PRKCI: variants seen among roughly 807,000 people sequenced by gnomAD.
PRKCI encodes protein kinase C iota, also known as protein kinase C iota type.
PRKCI carries 43 observed loss-of-function variants against 84.0 expected under a neutral mutation model. The observed-to-expected ratio is 0.51, with a 90% CI of 0.40 to 0.66. The LOEUF (loss-of-function observed/expected upper bound fraction) is 0.66, where lower values mean the gene tolerates loss of function less well. Among genes scored for constraint, PRKCI ranks in the 30% least tolerant of loss-of-function variants. The pLI is 0.00. For synonymous variants in PRKCI, 216 were observed against 234.4 expected (o/e 0.92, Z 0.72); for missense variants, 459 against 745.6 (o/e 0.62, Z 4.48).
intron 14 of PRKCI, among the ~76,000 whole-genome samples, chr3:170,294,019 T>G (rs1734635124): frequency 6.6e-6 from 1 of 152,188 alleles, no homozygotes; most frequent in South Asian, 2.1e-4. Flanking sequence ...AATACATTCT[T>G]TCTTTTCTAT....
rs147427192 is a variant in PRKCI, at chr3:170,223,306, G to A, written c.101+536G>A. Among the ~76,000 whole-genome samples the A allele has an allele frequency of 8.5e-5, 13 of 152,262 alleles. 1 individual carries two copies. The highest frequency in any genetic ancestry group is 1.4e-4 in the African/African-American group (6 of 41,560). On this transcript the variant is annotated intron_variant, in intron 1 of 17. Transcript: ENST00000295797. ...CACTGCCAGTATATTAGACATAGGG[G>A]TTGTATTTAAGAATCAAGTCGATGC...
At chr3:170,260,346 C>A (rs1381593155) in intron 3 of PRKCI, among the ~76,000 whole-genome samples, 2 of 152,040 alleles carry the variant, frequency 1.3e-5, no homozygotes, top group East Asian at 3.8e-4. Context: ...AAATTGAGAG[C>A]CTGGGGAATC....
At chr3:170,257,159 AAAC>A (rs1733603614) in intron 2 of PRKCI, among the ~76,000 whole-genome samples, 1 of 152,352 alleles carries the variant, frequency 6.6e-6, no homozygotes, top group African/African-American at 2.4e-5. Context: ...ATATAGGGGA[AAAC>A]AACATTTTGA....
intron 11 of PRKCI, among the ~76,000 whole-genome samples, chr3:170,282,698 A>C (rs1345624588): frequency 6.8e-6 from 1 of 146,280 alleles, no homozygotes; most frequent in East Asian, 2.0e-4. Flanking sequence ...CTCTGTCTCA[A>C]AAAAAAAAAA....
chr3:170,255,398 A>AT (rs1187650821), intron 2 of PRKCI, among the ~76,000 whole-genome samples: 2 of 152,036 alleles, frequency 1.3e-5, no homozygotes, highest in East Asian at 1.9e-4. Context: ...ATTCATAGGT[A>AT]TTTTTTTATT....
At chr3:170,289,039 T>C (rs1211903131) in intron 12 of PRKCI, among the ~76,000 whole-genome samples, 3 of 152,218 alleles carry the variant, frequency 2.0e-5, no homozygotes, top group Non-Finnish European at 4.4e-5. Context: ...AGTGTTTTTT[T>C]CATCAACAGA....
intron 3 of PRKCI, among the ~76,000 whole-genome samples, chr3:170,260,934 TC>T (rs1229787481): frequency 6.6e-6 from 1 of 152,096 alleles, no homozygotes; most frequent in African/African-American, 2.4e-5. Flanking sequence ...ATGCTAACCA[TC>T]AAAAGTCATG....
intron 7 of PRKCI, among the ~76,000 whole-genome samples, chr3:170,274,181 G>GAA (rs1213900248): frequency 1.3e-5 from 2 of 152,080 alleles, no homozygotes; most frequent in African/African-American, 4.8e-5. Context: ...GCCCAAGCTG[G>GAA]AATGCAGTGG....
intron 12 of PRKCI, among the ~76,000 whole-genome samples, chr3:170,287,334 T>TAGAG (rs1403858677): frequency 3.0e-4 from 45 of 149,832 alleles, no homozygotes; most frequent in Non-Finnish European, 4.9e-4. Context: ...AATATATATA[T>TAGAG]ATATAGAGAG....
At chr3:170,230,946 T>C (rs1296281233) in intron 1 of PRKCI, among the ~76,000 whole-genome samples, 1 of 151,368 alleles carries the variant, frequency 6.6e-6, no homozygotes, top group East Asian at 2.0e-4. Context: ...TGATTCATTA[T>C]TTAATTTTTT....
At chr3:170,299,746 C>G (rs1049703564) in intron 17 of PRKCI, among the ~76,000 whole-genome samples, 1 of 152,220 alleles carries the variant, frequency 6.6e-6, no homozygotes, top group African/African-American at 2.4e-5. Context: ...GTGGCAGAGT[C>G]AGGATTCAAA....
At chr3:170,281,285 A>G in intron 10 of PRKCI, 22 bp downstream of exon 10, 1 of 1,590,262 alleles carries the variant, frequency 6.3e-7, no homozygotes, top group African/African-American at 1.3e-5. Context: ...AGATAGTAGA[A>G]TGATTACTGG....
chr3:170,259,201 A>G (rs1286279522), intron 2 of PRKCI, among the ~76,000 whole-genome samples: 1 of 152,142 alleles, frequency 6.6e-6, no homozygotes, highest in Non-Finnish European at 1.5e-5. Context: ...TATTTGGGAT[A>G]TATACAATGT....
intron 2 of PRKCI, among the ~76,000 whole-genome samples, chr3:170,237,249 C>A (rs74474749): frequency 0.02 from 3,101 of 152,298 alleles, 49 homozygotes; most frequent in East Asian, 0.084. Context: ...GTTTAACAGG[C>A]TCCACGGGTG....
intron 2 of PRKCI, among the ~76,000 whole-genome samples, chr3:170,256,555 G>C (rs193037889): frequency 6.6e-6 from 1 of 151,964 alleles, no homozygotes; most frequent in East Asian, 1.9e-4. Flanking sequence ...TTTGGGTCTT[G>C]TATCTTTTAT....
intron 8 of PRKCI, 30 bp downstream of exon 8, chr3:170,275,317 A>G: frequency 6.4e-7 from 1 of 1,570,956 alleles, no homozygotes; most frequent in Non-Finnish European, 8.6e-7. Context: ...TGTACATTAT[A>G]TCATTAGCTT....
intron 2 of PRKCI, among the ~76,000 whole-genome samples, chr3:170,245,769 A>T (rs577828687): frequency 6.6e-6 from 1 of 152,202 alleles, no homozygotes; most frequent in South Asian, 2.1e-4. Flanking sequence ...GAAAGACAGG[A>T]TCTCACTGTG....
rs757305015 is a variant in PRKCI, at chr3:170,267,979, C to T, written c.429C>T (p.Phe143=). The change falls in exon 5 of 18, where the codon TTC becomes TTT. Residue 143 remains phenylalanine (F), a synonymous_variant. Coordinates refer to ENST00000295797, the MANE Select transcript of PRKCI (RefSeq NM_002740.6). ...TTTATTGTGCCAATGGCCACACTTT[C>T]CAAGCCAAGCGTTTCAACAGGGTAA... ...RKLYCANGHT[F]QAKRFNRRAH... 1 of 1,612,584 alleles carries T rather than the reference C, an allele frequency of 6.2e-7. No individual in the cohort carries two copies. The highest frequency in any genetic ancestry group is 8.5e-7 in the Non-Finnish European group (1 of 1,179,244).
chr3:170,298,087 G>A (rs141112453), intron 16 of PRKCI, among the ~76,000 whole-genome samples: 4,983 of 151,666 alleles, frequency 0.033, 134 homozygotes, highest in East Asian at 0.085. Context: ...TGGCCAGGCT[G>A]GTCTTGAACT....
Sources: allele counts gnomAD v4.1 joint callset (sites outside exome capture counted in the v4.1 genomes callset), GRCh38; gene constraint gnomAD v4.1.1; transcripts MANE v1.5; gene names NCBI Gene and HGNC (gene_info 2026-07-23, HGNC 2026-07-21).